The following TMEM71 variants were observed in gnomAD, a reference collection of about 807,000 sequenced individuals.
TMEM71 encodes the protein transmembrane protein 71.
A neutral mutation model predicts 38.0 loss-of-function variants in TMEM71; 44 were observed. The ratio of observed to expected loss-of-function variants is 1.16; its 90% CI spans 0.91 to 1.49. TMEM71 has a LOEUF of 1.49. Ranked by LOEUF, TMEM71 falls within the 40% of genes most tolerant of loss-of-function variation. TMEM71 has a pLI of 0.00. For missense variants in TMEM71, 367 were observed against 348.6 expected (o/e 1.05, Z -0.42); for synonymous variants, 133 against 122.5 (o/e 1.09, Z -0.56).
rs752452677 is a variant in TMEM71 at position 132,747,116 on chromosome 8, T to C, written c.315-2A>G. On this transcript the variant is annotated splice_acceptor_variant, in intron 4 of 9. Transcript: ENST00000677595. LOFTEE classifies it high-confidence loss of function. ...ATTCTCTTTTTCTTTCTAAATATCCTAGAGAGAAATGAAAGCATGGTGAAC... is the reference window on the plus strand; with the variant it reads ...ATTCTCTTTTTCTTTCTAAATATCCCAGAGAGAAATGAAAGCATGGTGAAC... 9.4e-6 allele frequency: 15 copies of C among 1,589,406 alleles called. No individual in the cohort carries two copies. The highest frequency in any genetic ancestry group is 1.9e-5 in the Admixed American group (1 of 53,946).
At chr8:132,739,288 T>C (rs921248694) in intron 5 of TMEM71, among the ~76,000 whole-genome samples, 2 of 152,168 alleles carry the variant, frequency 1.3e-5, no homozygotes, top group Non-Finnish European at 2.9e-5. Flanking sequence ...TAGACCTCGG[T>C]TGAATTCCAA....
chr8:132,707,343 GTC>G (rs571252158), downstream of TMEM71, among the ~76,000 whole-genome samples: 293 of 152,212 alleles, frequency 1.9e-3, 4 homozygotes, highest in African/African-American at 6.8e-3. Flanking sequence ...GCAAGATTTC[GTC>G]TCTTTTTATT....
At chr8:132,717,161 G>A (rs1282408930) in intron 7 of TMEM71, among the ~76,000 whole-genome samples, 4 of 152,132 alleles carry the variant, frequency 2.6e-5, no homozygotes, top group African/African-American at 9.7e-5. Context: ...GAAACTTCAT[G>A]ACATTGGATT....
chr8:132,766,095 A>G, the TMEM71 span, among the ~76,000 whole-genome samples: 1 of 152,028 alleles, frequency 6.6e-6, no homozygotes, highest in African/African-American at 2.4e-5. Context: ...AATCTAACAT[A>G]TCTTGACCTG....
At chr8:132,733,301 T>C (rs1378713500) in intron 5 of TMEM71, among the ~76,000 whole-genome samples, 1 of 152,156 alleles carries the variant, frequency 6.6e-6, no homozygotes, top group Non-Finnish European at 1.5e-5. Flanking sequence ...TTACAGAGAA[T>C]TCGGTAAGGG....
chr8:132,767,677 A>G, the TMEM71 span, among the ~76,000 whole-genome samples: 4 of 152,010 alleles, frequency 2.6e-5, no homozygotes, highest in African/African-American at 7.2e-5. Context: ...GTTTCACACC[A>G]TGTTGGCCAG....
At chr8:132,744,622 A>C (rs568585255) in intron 5 of TMEM71, among the ~76,000 whole-genome samples, 1 of 152,318 alleles carries the variant, frequency 6.6e-6, no homozygotes, top group East Asian at 1.9e-4. Context: ...GCAATCTACA[A>C]ATTCAAACTA....
At chr8:132,754,595 A>G (rs1487827997) in intron 3 of TMEM71, among the ~76,000 whole-genome samples, 1 of 152,204 alleles carries the variant, frequency 6.6e-6, no homozygotes, top group Non-Finnish European at 1.5e-5. Flanking sequence ...TAAATATTTA[A>G]TGTCATAATT....
intron 4 of TMEM71, among the ~76,000 whole-genome samples, chr8:132,750,259 C>T (rs899528225): frequency 6.6e-6 from 1 of 152,106 alleles, no homozygotes; most frequent in Admixed American, 6.5e-5. Flanking sequence ...GTGACCTTTT[C>T]TATTTTGGAC....
At chr8:132,740,383 A>T (rs1389413647) in intron 5 of TMEM71, among the ~76,000 whole-genome samples, 2 of 152,066 alleles carry the variant, frequency 1.3e-5, no homozygotes, top group South Asian at 2.1e-4. Flanking sequence ...AATCCCCATC[A>T]CTTCCCCTTT....
intron 7 of TMEM71, among the ~76,000 whole-genome samples, chr8:132,714,625 G>T (rs1048712508): frequency 6.6e-6 from 1 of 152,130 alleles, no homozygotes; most frequent in African/African-American, 2.4e-5. Flanking sequence ...AAACATGGGG[G>T]AATATCAATA....
At chr8:132,758,608 T>TAA (rs566382499) in intron 2 of TMEM71, 8 of 485,972 alleles carry the variant, frequency 1.6e-5, no homozygotes, top group Middle Eastern at 4.5e-4. Flanking sequence ...CACAGGCATC[T>TAA]AAAAAAAAAC....
intron 7 of TMEM71, among the ~76,000 whole-genome samples, chr8:132,715,598 T>C (rs1290417153): frequency 2.6e-5 from 4 of 152,100 alleles, no homozygotes. Context: ...TCAACTGAGG[T>C]GAATTCTGTG....
chr8:132,751,300 T>C (rs953875258), intron 4 of TMEM71, among the ~76,000 whole-genome samples: 1 of 152,230 alleles, frequency 6.6e-6, no homozygotes, highest in African/African-American at 2.4e-5. Context: ...CCCAGACCTG[T>C]GCCATCTTTC....
chr8:132,774,884 AG>A, the TMEM71 span, among the ~76,000 whole-genome samples: 12 of 152,272 alleles, frequency 7.9e-5, no homozygotes, highest in Non-Finnish European at 1.6e-4. Context: ...AAGACTGGAA[AG>A]CAATACAATT....
intron 8 of TMEM71, 45 bp from the exon 9 acceptor site, chr8:132,714,097 C>T: frequency 6.2e-7 from 1 of 1,612,026 alleles, no homozygotes; most frequent in Non-Finnish European, 8.5e-7. Flanking sequence ...TTTAAAGTGA[C>T]CAAAATTGGA....
At chr8:132,743,245 C>T (rs1828148216) in intron 5 of TMEM71, among the ~76,000 whole-genome samples, 1 of 152,130 alleles carries the variant, frequency 6.6e-6, no homozygotes, top group Non-Finnish European at 1.5e-5. Context: ...TCCTTCACCT[C>T]TCCCTTTCCC....
chr8:132,767,200 C>T, the TMEM71 span, among the ~76,000 whole-genome samples: 1 of 152,100 alleles, frequency 6.6e-6, no homozygotes, highest in South Asian at 2.1e-4. Context: ...ATTCCTTTTC[C>T]ATTACTCTCC....
chr8:132,762,459 A>C (rs1586810644), upstream of TMEM71, among the ~76,000 whole-genome samples: 1 of 150,498 alleles, frequency 6.6e-6, no homozygotes, highest in Non-Finnish European at 1.5e-5. Context: ...AAGAGCTCAC[A>C]TCAGAAAGAC....
Sources: allele counts gnomAD v4.1 joint callset (sites outside exome capture counted in the v4.1 genomes callset), GRCh38; gene constraint gnomAD v4.1.1; transcripts MANE v1.5; gene names NCBI Gene and HGNC (gene_info 2026-07-23, HGNC 2026-07-21).